WNT6: variants seen among roughly 807,000 people sequenced by gnomAD.
The protein encoded by WNT6 is Wnt family member 6.
A neutral mutation model predicts 33.1 loss-of-function variants in WNT6; 27 were observed. That is an observed-to-expected ratio of 0.82 (90% CI 0.60 to 1.12). WNT6 has a LOEUF of 1.12. Among genes scored for constraint, WNT6 ranks in the 50% most tolerant of loss-of-function variants. The pLI is 0.00. For missense variants in WNT6, 494 were observed against 535.3 expected (o/e 0.92, Z 0.76); for synonymous variants, 249 against 242.8 (o/e 1.03, Z -0.24).
In WNT6 at chr2:218,870,429, T is replaced by C. The variant is rs184115095; in HGVS notation, c.81-598T>C. ...CACCCATTTTATAGAAGGAGAAACC[T>C]GGGCTATGGAGAGGGTGTGACTTTT... On this transcript the variant is annotated intron_variant, in intron 1 of 3. Transcript: ENST00000233948. 2.6e-5 allele frequency among the ~76,000 whole-genome samples: 4 copies of C among 152,276 alleles called. No homozygotes were observed. The East Asian group carries it at 5.8e-4, about 22-fold the overall frequency.
At position 218,873,334 on chromosome 2, in the gene WNT6, C is replaced by A. The variant is rs1179046725; in HGVS notation, c.637-50C>A. The A allele has an allele frequency of 6.7e-7, 1 of 1,493,476 alleles. No homozygotes were observed. Among genetic ancestry groups the A allele is most frequent in the Non-Finnish European group, 8.9e-7 (1 of 1,118,294 alleles). 92.5% of individuals were successfully genotyped at this position (1,493,476 alleles called of 1,614,324 possible). ...TTTTCTGTCCATCCGCTGGGCCCTT[C>A]CCTGCACCCCCTACCTGTCCACATG... On this transcript the variant is annotated intron_variant, in intron 3 of 3. Transcript: ENST00000233948. This position sits in a 1 kb window ranked among gnomAD's most constrained non-coding sequence, Gnocchi z 6.1.
In WNT6 at chr2:218,871,222, G is replaced by C. The variant is rs1275969767; in HGVS notation, c.276G>C (p.Lys92Asn). 1 of 1,613,214 alleles carries C rather than the reference G, an allele frequency of 6.2e-7. No individual in the cohort carries two copies. The highest frequency in any genetic ancestry group is 8.5e-7 in the Non-Finnish European group (1 of 1,179,598). Residue 92 changes from lysine (K) to asparagine (N), a missense_variant, in exon 2 of 4, where the codon AAG becomes AAC. Transcript: ENST00000233948. The surrounding 1 kb of genome is among the most constrained non-coding windows in gnomAD (Gnocchi z 6.4). ...GCTGGAATTGCTCCAGCCACAGCAA[G>C]GCCTTTGGACGCATCCTGCAACAGG... Reference protein sequence around the residue: ...FRRWNCSSHSKAFGRILQQDI... With the variant: ...FRRWNCSSHSNAFGRILQQDI...
chr2:218,868,039 T>C (rs1944367107), intron 1 of WNT6, among the ~76,000 whole-genome samples: 1 of 152,014 alleles, frequency 6.6e-6, no homozygotes. Context: ...TTCCTATGTA[T>C]TTAGGATGGG....
intron 3 of WNT6, among the ~76,000 whole-genome samples, chr2:218,872,461 C>T (rs1328764148): frequency 1.3e-5 from 2 of 152,148 alleles, no homozygotes; most frequent in Non-Finnish European, 2.9e-5. Context: ...CAGGTCTCAC[C>T]TGCCCAGAGC....
chr2:218,868,149 C>A lies in WNT6; in HGVS notation c.81-2878C>A, dbSNP rs1944367933. Among the ~76,000 whole-genome samples, 7 of 152,102 alleles carry A rather than the reference C, an allele frequency of 4.6e-5. No individual in the cohort carries two copies. The South Asian group carries it at 1.4e-3, about 32-fold the overall frequency. On this transcript the variant is annotated intron_variant, in intron 1 of 3. Coordinates refer to ENST00000233948, the MANE Select transcript of WNT6 (RefSeq NM_006522.4). ...GACCAGCTTGTAAACAAGTCTAGTTCCCAGGCAGCCAGCCAGCCTGGGGAG... is the reference window on the plus strand; with the variant it reads ...GACCAGCTTGTAAACAAGTCTAGTTACCAGGCAGCCAGCCAGCCTGGGGAG...
Position 218,874,085 on chromosome 2 carries a change from GGC to G in WNT6, c.*241_*242del. ...GGGAGCGTTTAAAGGACACTGTACAGGCCCTCCCTCCCCTTGGCCTCTAGGAG... is the reference window on the plus strand; with the variant it reads ...GGGAGCGTTTAAAGGACACTGTACAGCCTCCCTCCCCTTGGCCTCTAGGAG... On this transcript the variant is annotated 3_prime_UTR_variant, in exon 4 of 4. Coordinates refer to ENST00000233948, the MANE Select transcript of WNT6 (RefSeq NM_006522.4). 4.2e-6 allele frequency: 2 copies of G among 481,820 alleles called. No individual in the cohort carries two copies. The highest frequency in any genetic ancestry group is 4.4e-5 in the South Asian group (1 of 22,652). 29.8% of individuals were successfully genotyped at this position (481,820 alleles called of 1,614,324 possible).
rs1359103727 is a variant in WNT6, at chr2:218,860,115, G to A, written c.78G>A (p.Trp26Ter). 2 of 1,523,002 alleles carry A rather than the reference G, an allele frequency of 1.3e-6. No homozygotes were observed. Among genetic ancestry groups the A allele is most frequent in the Admixed American group, 4.0e-5 (2 of 49,708 alleles). The allele number at this position is 1,523,002 out of a possible 1,614,324, so 94.3% of individuals were successfully genotyped here. A position where few individuals can be genotyped will look rare whatever the true frequency, so the allele number is the denominator to read the frequency against. Reference sequence around the variant, plus strand: ...GCCCGGCGCACGTCGGCGGACTGTGGTGGTGAGTCCGGCTGTCCTGGCGCG... The same window carrying A: ...GCCCGGCGCACGTCGGCGGACTGTGATGGTGAGTCCGGCTGTCCTGGCGCG... ...LLCPAHVGGL[W>*]WAVGSPLVMD... Residue 26 changes from tryptophan (W) to a stop codon, truncating the protein, a stop_gained and splice_region_variant, in exon 1 of 4, where the codon TGG becomes TGA. Coordinates refer to ENST00000233948, the MANE Select transcript of WNT6 (RefSeq NM_006522.4). LOFTEE classifies it high-confidence loss of function.
Position 218,871,445 on chromosome 2 carries a change from C to A in WNT6, c.302-40C>A. On this transcript the variant is annotated intron_variant, in intron 2 of 3. Coordinates refer to ENST00000233948, the MANE Select transcript of WNT6 (RefSeq NM_006522.4). The surrounding 1 kb of genome is among the most constrained non-coding windows in gnomAD (Gnocchi z 6.4). The stretch of plus-strand genomic sequence containing the variant: ...TTTCAGGTCCCAGGCCCCAGCTGAC[C>A]GCCCCAGCCCGCGCTGATTGCACCT... 1.3e-6 allele frequency: 2 copies of A among 1,584,020 alleles called. No homozygotes were observed. Among genetic ancestry groups the A allele is most frequent in the East Asian group, 4.5e-5 (2 of 44,604 alleles).
At chr2:218,862,798 C>T (rs1420505273) in intron 1 of WNT6, among the ~76,000 whole-genome samples, 3 of 152,126 alleles carry the variant, frequency 2.0e-5, no homozygotes, top group African/African-American at 7.2e-5. Context: ...CTCCACCTCC[C>T]GGCTCAAATG....
Position 218,874,220 on chromosome 2 carries a change from T to G in WNT6, c.*375T>G, listed in dbSNP as rs1944433954. On this transcript the variant is annotated 3_prime_UTR_variant, in exon 4 of 4. Transcript: ENST00000233948. ...TGGGTGAGGTTAGTATCAATAAAGATATTTAAACCACCAGGGCTGGACCCA... is the reference window on the plus strand; with the variant it reads ...TGGGTGAGGTTAGTATCAATAAAGAGATTTAAACCACCAGGGCTGGACCCA... 1 of 218,182 alleles carries G rather than the reference T, an allele frequency of 4.6e-6. No homozygotes were observed. Among genetic ancestry groups the G allele is most frequent in the African/African-American group, 2.3e-5 (1 of 43,948 alleles). The allele number at this position is 218,182 out of a possible 1,614,324, so 13.5% of individuals were successfully genotyped here. A position where few individuals can be genotyped will look rare whatever the true frequency, so the allele number is the denominator to read the frequency against.
rs969854226 is a variant in WNT6, at chr2:218,871,631, G to C, written c.448G>C (p.Gly150Arg). 1.4e-6 allele frequency: 2 copies of C among 1,472,314 alleles called. No homozygotes were observed. The highest frequency in any genetic ancestry group is 1.8e-6 in the Non-Finnish European group (2 of 1,117,402). The allele number at this position is 1,472,314 out of a possible 1,614,324, so 91.2% of individuals were successfully genotyped here. A position where few individuals can be genotyped will look rare whatever the true frequency, so the allele number is the denominator to read the frequency against. The change falls in exon 3 of 4, where the codon GGC becomes CGC. Residue 150 changes from glycine (G) to arginine (R), a missense_variant. Coordinates refer to ENST00000233948, the MANE Select transcript of WNT6 (RefSeq NM_006522.4). This position sits in a 1 kb window ranked among gnomAD's most constrained non-coding sequence, Gnocchi z 6.4. Reference sequence around the variant, plus strand: ...CCCTCCCCGGCCCTCCGGCCTGCCCGGCACCCCCGGACCCCCTGGCCCCGC... The same window carrying C: ...CCCTCCCCGGCCCTCCGGCCTGCCCCGCACCCCCGGACCCCCTGGCCCCGC... ...RAPPRPSGLP[G>R]TPGPPGPAGS...
At chr2:218,870,985 T>G in intron 1 of WNT6, 42 bp from the exon 2 acceptor site, 1 of 1,533,894 alleles carries the variant, frequency 6.5e-7, no homozygotes, top group South Asian at 1.3e-5. Flanking sequence ...CCCAAGCCCT[T>G]TTTTGGGTTA....
Position 218,873,847 on chromosome 2 carries a change from C to G in WNT6, c.*2C>G. 3 of 1,475,722 alleles carry G rather than the reference C, an allele frequency of 2.0e-6. No homozygotes were observed. Among genetic ancestry groups the G allele is most frequent in the South Asian group, 2.7e-5 (2 of 73,346 alleles). 91.4% of individuals were successfully genotyped at this position (1,475,722 alleles called of 1,614,324 possible). On this transcript the variant is annotated 3_prime_UTR_variant, in exon 4 of 4. Transcript: ENST00000233948. The surrounding 1 kb of genome is among the most constrained non-coding windows in gnomAD (Gnocchi z 6.1). ...AAGGAGCTCAGCCTCTGCCTGTGAC[C>G]CGCCGCCCGGCCGCTAGACTGACTT...
At chr2:218,861,646 T>C (rs1208746195) in intron 1 of WNT6, among the ~76,000 whole-genome samples, 1 of 152,148 alleles carries the variant, frequency 6.6e-6, no homozygotes, top group Non-Finnish European at 1.5e-5. Flanking sequence ...GAATCTCTTT[T>C]CCCCATAAAC....
chr2:218,866,944 CG>C (rs1944359207), intron 1 of WNT6, among the ~76,000 whole-genome samples: 1 of 152,116 alleles, frequency 6.6e-6, no homozygotes, highest in East Asian at 1.9e-4. Flanking sequence ...AGAGGCGCCC[CG>C]GGTGATGCAT....
intron 1 of WNT6, among the ~76,000 whole-genome samples, chr2:218,870,565 G>T (rs1000805740): frequency 5.3e-5 from 8 of 152,172 alleles, no homozygotes; most frequent in Non-Finnish European, 1.0e-4. Flanking sequence ...TCCAGCTTGT[G>T]GTCCACTAGG....
rs773512750 is a variant in WNT6, at chr2:218,871,079, C to T, written c.133C>T (p.Arg45Trp). ...CCCTACCAGCATCTGCAGGAAGGCA[C>T]GGCGGCTGGCCGGGCGGCAGGCCGA... ...MDPTSICRKA[R>W]RLAGRQAELC... The change falls in exon 2 of 4, where the codon CGG (arginine) becomes TGG (tryptophan). Residue 45 changes from arginine to tryptophan, a missense_variant. By Grantham distance (101) the Arg-to-Trp change is moderately radical. Transcript: ENST00000233948. The surrounding 1 kb of genome is among the most constrained non-coding windows in gnomAD (Gnocchi z 6.4). The T allele has an allele frequency of 4.3e-5, 70 of 1,613,300 alleles. No individual in the cohort carries two copies. Among genetic ancestry groups the T allele is most frequent in the South Asian group, 3.5e-4 (32 of 91,000 alleles).
intron 1 of WNT6, among the ~76,000 whole-genome samples, chr2:218,869,944 G>A (rs140658914): frequency 2.4e-4 from 36 of 152,326 alleles, no homozygotes; most frequent in African/African-American, 8.7e-4. Context: ...CCTTGGCCAT[G>A]TGTGGTGGCT....
chr2:218,866,161 A>AC (rs1944353024), intron 1 of WNT6, among the ~76,000 whole-genome samples: 2 of 151,380 alleles, frequency 1.3e-5, no homozygotes, highest in Admixed American at 1.3e-4. Context: ...CCCCTGTGCA[A>AC]CCCCCACCCA....
Sources: allele counts gnomAD v4.1 joint callset (sites outside exome capture counted in the v4.1 genomes callset), GRCh38; gene constraint gnomAD v4.1.1; non-coding constraint Gnocchi (gnomAD v3.1); transcripts MANE v1.5; gene names NCBI Gene and HGNC (gene_info 2026-07-23, HGNC 2026-07-21).